Variants in TMC5 observed in about 807,000 individuals in gnomAD.
TMC5 encodes transmembrane channel-like protein 5.
In TMC5, 86 loss-of-function variants were observed where a neutral mutation model predicts 110.5. The ratio of observed to expected loss-of-function variants is 0.78; its 90% confidence interval spans 0.65 to 0.93. The LOEUF is 0.93. Among genes scored for constraint, TMC5 ranks in the 40% least tolerant of loss-of-function variants. The probability of loss-of-function intolerance (pLI) is 0.00; values close to 1 mark genes in which losing one functional copy is unlikely to be tolerated. For synonymous variants in TMC5, 455 were observed against 439.5 expected (o/e 1.04, Z -0.44); for missense variants, 1,144 against 1,222.8 (o/e 0.94, Z 0.96).
At chr16:19,414,393 A>G (rs2143315608), upstream of TMC5, among the ~76,000 whole-genome samples, 1 of 152,320 alleles carries the variant, frequency 6.6e-6, no homozygotes, top group East Asian at 1.9e-4. Flanking sequence ...ATTTTCATAG[A>G]AGGTGAAAAA....
At chr16:19,433,154 A>C (rs1341254970) in intron 2 of TMC5, among the ~76,000 whole-genome samples, 1 of 152,184 alleles carries the variant, frequency 6.6e-6, no homozygotes, top group Non-Finnish European at 1.5e-5. Flanking sequence ...AAATAACACT[A>C]TCTCAAAATC....
intron 7 of TMC5, 52 bp from the exon 8 acceptor site, chr16:19,463,724 G>T: frequency 6.3e-7 from 1 of 1,589,590 alleles, no homozygotes; most frequent in South Asian, 1.2e-5. Flanking sequence ...CTGCTCAGTC[G>T]ATATTTGTTG....
In TMC5 at chr16:19,474,215, A is replaced by G. The variant is rs764219237; in HGVS notation, c.2029A>G (p.Met677Val). Reference sequence around the variant, plus strand: ...TCTGGCCGTGCCATGCATCTACTCCATGTTCAGGCTTGTGGAGAGGTACGA... The same window carrying G: ...TCTGGCCGTGCCATGCATCTACTCCGTGTTCAGGCTTGTGGAGAGGTACGA... Reference protein sequence around the residue: ...INLAVPCIYSMFRLVERYEMP... With the variant: ...INLAVPCIYSVFRLVERYEMP... The change falls in exon 12 of 22, where the codon ATG becomes GTG. Residue 677 changes from methionine (M) to valine (V), a missense_variant. By Grantham distance (21) the Met-to-Val change is conservative. Coordinates refer to ENST00000542583, the MANE Select transcript of TMC5 (RefSeq NM_001261841.2). 12 of 1,613,910 alleles carry G rather than the reference A, an allele frequency of 7.4e-6. No homozygotes were observed. Among genetic ancestry groups the G allele is most frequent in the Middle Eastern group, 1.6e-4 (1 of 6,084 alleles).
At chr16:19,413,891 A>G (rs77873328), upstream of TMC5, among the ~76,000 whole-genome samples, 43 of 152,260 alleles carry the variant, frequency 2.8e-4, no homozygotes, top group East Asian at 8.3e-3. Context: ...CAAATGACTC[A>G]TCTGTAAACT....
At chr16:19,466,918 G>T (rs1968204827) in intron 9 of TMC5, among the ~76,000 whole-genome samples, 1 of 152,104 alleles carries the variant, frequency 6.6e-6, no homozygotes, top group Admixed American at 6.5e-5. Flanking sequence ...TCTGATGCAG[G>T]CTGATCACTT....
chr16:19,488,378 T>C (rs1968804615), intron 17 of TMC5, among the ~76,000 whole-genome samples: 1 of 152,172 alleles, frequency 6.6e-6, no homozygotes, highest in Non-Finnish European at 1.5e-5. Context: ...TGCCAAGAAC[T>C]GAAGCTTCCC....
Position 19,463,358 on chromosome 16 carries a change from C to T in TMC5, c.1227C>T (p.Ser409=). 1 of 1,613,098 alleles carries T rather than the reference C, an allele frequency of 6.2e-7. No homozygotes were observed. The highest frequency in any genetic ancestry group is 8.5e-7 in the Non-Finnish European group (1 of 1,179,076). ...QLNCCIQCLN[S]ISRAYRRSKN... is the part of the protein sequence containing the mutation. ...ATTGCTGTATTCAGTGTCTGAACTC[C>T]ATTTCCCGGGTAAGTCAGTAAAACA... The change falls in exon 7 of 22, where the codon TCC becomes TCT. Residue 409 remains serine, a synonymous_variant. Transcript: ENST00000542583.
chr16:19,495,032 T>A (rs1969017774), intron 20 of TMC5, among the ~76,000 whole-genome samples: 38 of 22,030 alleles, frequency 1.7e-3, no homozygotes, highest in South Asian at 3.7e-3. Context: ...TTTTTTTTTT[T>A]GAGACGGAGT....
intron 10 of TMC5, 104 bp downstream of exon 10, chr16:19,469,929 C>G: frequency 7.6e-7 from 1 of 1,315,166 alleles, no homozygotes; most frequent in South Asian, 1.4e-5. Context: ...GAGTCTCACT[C>G]TGTCGCCCAG....
intron 1 of TMC5, among the ~76,000 whole-genome samples, chr16:19,423,041 T>G (rs1480956536): frequency 6.6e-6 from 1 of 152,224 alleles, no homozygotes; most frequent in Admixed American, 6.5e-5. Context: ...GGAGGATCGA[T>G]GGAGCCCAGC....
At position 19,498,668 on chromosome 16, in the gene TMC5, A is replaced by C. The variant is rs1188008945; in HGVS notation, c.*702A>C. On this transcript the variant is annotated 3_prime_UTR_variant, in exon 22 of 22. Transcript: ENST00000542583. ...TTTATCCGAGACGCGATTATTGCTAATTGGAAATTTTCCCAATACCCCACC... is the reference window on the plus strand; with the variant it reads ...TTTATCCGAGACGCGATTATTGCTACTTGGAAATTTTCCCAATACCCCACC... 1 of 152,200 alleles carries C rather than the reference A, an allele frequency of 6.6e-6. No homozygotes were observed. The highest frequency in any genetic ancestry group is 1.5e-5 in the Non-Finnish European group (1 of 68,044). 9.4% of individuals were successfully genotyped at this position (152,200 alleles called of 1,614,324 possible).
At chr16:19,433,436 T>C (rs1967235772) in intron 2 of TMC5, among the ~76,000 whole-genome samples, 1 of 152,182 alleles carries the variant, frequency 6.6e-6, no homozygotes, top group South Asian at 2.1e-4. Context: ...TGCAGCACAA[T>C]GACCTGGAGG....
At chr16:19,490,254 G>C (rs1304569866) in intron 17 of TMC5, 141 bp from the exon 18 acceptor site, 6 of 811,982 alleles carry the variant, frequency 7.4e-6, no homozygotes, top group Non-Finnish European at 1.2e-5. Context: ...AGAGCAAGAG[G>C]GTTTCTTTGG....
chr16:19,433,625 C>T (rs978642403), intron 2 of TMC5, among the ~76,000 whole-genome samples: 3 of 151,972 alleles, frequency 2.0e-5, no homozygotes, highest in Non-Finnish European at 2.9e-5. Context: ...GAAGTGTAGT[C>T]CTCTTGAAAA....
In TMC5 at chr16:19,479,654, T is replaced by A. The variant is rs993313910; in HGVS notation, c.2267+126T>A. 8.6e-6 allele frequency: 6 copies of A among 696,996 alleles called. No individual in the cohort carries two copies. In the East Asian group the frequency reaches 1.5e-4, roughly 18 times the overall value. The allele number at this position is 696,996 out of a possible 1,614,324, so 43.2% of individuals were successfully genotyped here. On this transcript the variant is annotated intron_variant, in intron 14 of 21. Transcript: ENST00000542583. ...TGCGTTGTTCCAAGTCTGCCTGTTG[T>A]CCTTGGGGATACTGTTCACTTCTAA...
chr16:19,486,803 G>C (rs986565280), intron 15 of TMC5, 142 bp from the exon 16 acceptor site: 1 of 668,746 alleles, frequency 1.5e-6, no homozygotes, highest in African/African-American at 1.8e-5. Context: ...AGATATTCGG[G>C]GTTAAGGCCT....
chr16:19,479,020 T>C (rs547451491), intron 13 of TMC5, among the ~76,000 whole-genome samples: 1 of 152,306 alleles, frequency 6.6e-6, no homozygotes, highest in South Asian at 2.1e-4. Context: ...CAAGCAGACA[T>C]TAATTGATTT....
At chr16:19,491,510 T>TC in intron 18 of TMC5, among the ~76,000 whole-genome samples, 1 of 150,910 alleles carries the variant, frequency 6.6e-6, no homozygotes, top group Middle Eastern at 3.4e-3. Context: ...AAAGGTTATA[T>TC]ATACTATCTT....
At chr16:19,492,378 TCTACA>T (rs2143764920) in intron 19 of TMC5, 150 bp downstream of exon 19, 1 of 441,338 alleles carries the variant, frequency 2.3e-6, no homozygotes, top group South Asian at 6.8e-5. Context: ...TCTTATTTCA[TCTACA>T]CTTTCTCTTC....
Sources: gnomAD v4.1 joint callset for allele counts (sites outside exome capture counted in the v4.1 genomes callset) on GRCh38, gnomAD v4.1.1 for gene constraint, MANE v1.5 for transcripts, NCBI Gene and HGNC (gene_info 2026-07-23, HGNC 2026-07-21) for gene names.